Variants in B4GALNT3 observed in about 807,000 individuals in gnomAD.
B4GALNT3 encodes beta-1,4-N-acetyl-galactosaminyltransferase 3.
A neutral mutation model predicts 120.2 loss-of-function variants in B4GALNT3; 86 were observed. That is an observed-to-expected ratio of 0.72 (90% CI 0.60 to 0.86). The LOEUF (loss-of-function observed/expected upper bound fraction) is 0.86. B4GALNT3 is among the 40% of genes least tolerant of loss of function. B4GALNT3 has a pLI of 0.00. For missense variants in B4GALNT3, 1,167 were observed against 1,298.9 expected (o/e 0.90, Z 1.56); for synonymous variants, 518 against 510.4 (o/e 1.01, Z -0.20).
At chr12:500,722 T>C (rs1946430557) in intron 1 of B4GALNT3, among the ~76,000 whole-genome samples, 2 of 152,154 alleles carry the variant, frequency 1.3e-5, no homozygotes, top group Non-Finnish European at 2.9e-5. Flanking sequence ...AATGGGGTCA[T>C]GCCTGGCTAC....
intron 1 of B4GALNT3, among the ~76,000 whole-genome samples, chr12:473,640 G>A (rs1946157519): frequency 6.6e-6 from 1 of 152,172 alleles, no homozygotes; most frequent in Non-Finnish European, 1.5e-5. Flanking sequence ...CCTCTCTGGA[G>A]CTTGAGTACC....
At chr12:535,665 C>T (rs1946851312) in intron 2 of B4GALNT3, among the ~76,000 whole-genome samples, 1 of 152,204 alleles carries the variant, frequency 6.6e-6, no homozygotes, top group South Asian at 2.1e-4. Context: ...GGTGGATGGA[C>T]ACCCCTCCCT....
chr12:471,145 T>C (rs1946131891), intron 1 of B4GALNT3, among the ~76,000 whole-genome samples: 2 of 151,340 alleles, frequency 1.3e-5, no homozygotes, highest in African/African-American at 4.8e-5. Flanking sequence ...TCACAGCACT[T>C]TGGGAGGCTG....
Position 552,142 on chromosome 12 carries a change from A to T in B4GALNT3, c.1187A>T (p.Glu396Val). 6.2e-7 allele frequency: 1 copy of T among 1,611,784 alleles called. No homozygotes were observed. Among genetic ancestry groups the T allele is most frequent in the Non-Finnish European group, 8.5e-7 (1 of 1,177,906 alleles). The part of the protein sequence containing the change: ...METHNKCFYQ[E>V]NAYYQDRFSF... ...ACCCACAATAAATGTTTCTACCAGG[A>T]AAACGCCTACTACCAAGACCGGTGA... Residue 396 changes from glutamate (E) to valine (V), a missense_variant, in exon 12 of 20, where the codon GAA becomes GTA. By Grantham distance (121) the Glu-to-Val change is moderately radical. Transcript: ENST00000266383.
intron 1 of B4GALNT3, among the ~76,000 whole-genome samples, chr12:515,991 C>CAA (rs1555155736): frequency 2.1e-4 from 32 of 151,654 alleles, no homozygotes; most frequent in South Asian, 2.1e-4. Flanking sequence ...CACACACACA[C>CAA]AAAAATTAGC....
chr12:559,143 C>G (rs2120748638), intron 18 of B4GALNT3, 152 bp from the exon 19 acceptor site: 1 of 1,041,804 alleles, frequency 9.6e-7, no homozygotes, highest in East Asian at 2.5e-5. Flanking sequence ...CCAAAACAGG[C>G]AAAGTACTTG....
chr12:462,047 G>GC (rs1350070868), intron 1 of B4GALNT3, among the ~76,000 whole-genome samples: 4 of 152,134 alleles, frequency 2.6e-5, no homozygotes, highest in African/African-American at 9.7e-5. Context: ...ACTCCAAGCA[G>GC]CAGAGCCCCT....
At position 460,497 on chromosome 12, in the gene B4GALNT3, C is replaced by G; in HGVS notation, c.121C>G (p.Leu41Val). Reference sequence around the variant, plus strand: ...GTCTGTGGGGCTCTGGACTCTGTATCTGGAACTGGTGGCGTCGGCCCAGGT... The same window carrying G: ...GTCTGTGGGGCTCTGGACTCTGTATGTGGAACTGGTGGCGTCGGCCCAGGT... ...VVSVGLWTLY[L>V]ELVASAQVGG... Residue 41 changes from leucine to valine, a missense_variant, in exon 1 of 20, where the codon CTG becomes GTG. Around this residue, in one of 3 missense-constraint regions of B4GALNT3, gnomAD observed 171 missense variants for 161.3 expected, o/e 1.06. Transcript: ENST00000266383. The surrounding 1 kb of genome is among the most constrained non-coding windows in gnomAD (Gnocchi z 8.0). 1 of 1,585,410 alleles carries G rather than the reference C, an allele frequency of 6.3e-7. No homozygotes were observed. Among genetic ancestry groups the G allele is most frequent in the Non-Finnish European group, 8.6e-7 (1 of 1,166,602 alleles).
chr12:490,327 A>T (rs1374111075), intron 1 of B4GALNT3, among the ~76,000 whole-genome samples: 4 of 152,224 alleles, frequency 2.6e-5, no homozygotes, highest in African/African-American at 9.6e-5. Context: ...TAAAAAGATC[A>T]GTAAGATTGA....
At chr12:522,710 G>A (rs1387128796) in intron 1 of B4GALNT3, among the ~76,000 whole-genome samples, 2 of 152,004 alleles carry the variant, frequency 1.3e-5, no homozygotes, top group Non-Finnish European at 2.9e-5. Flanking sequence ...CACGAAGGGA[G>A]GATCACTTGA....
intron 1 of B4GALNT3, among the ~76,000 whole-genome samples, chr12:512,825 CGCCTTCT>C (rs1220822947): frequency 1.3e-5 from 2 of 148,548 alleles, no homozygotes; most frequent in Admixed American, 6.7e-5. Flanking sequence ...TTCCACCTTC[CGCCTTCT>C]GCCTTCCACC....
intron 1 of B4GALNT3, among the ~76,000 whole-genome samples, chr12:476,901 C>T (rs1297774091): frequency 6.6e-6 from 1 of 152,168 alleles, no homozygotes; most frequent in Admixed American, 6.6e-5. Context: ...TTCTTCTAGG[C>T]CCATGGCAGA....
rs12369312 is a variant in B4GALNT3 at position 465,335 on chromosome 12, G to A, written c.169+4790G>A. Among the ~76,000 whole-genome samples the A allele has an allele frequency of 7.3e-3, 1,109 of 152,154 alleles. 16 individuals are homozygous for A. The highest frequency in any genetic ancestry group is 0.01 in the Middle Eastern group (3 of 294). On this transcript the variant is annotated intron_variant, in intron 1 of 19. Coordinates refer to ENST00000266383, the MANE Select transcript of B4GALNT3 (RefSeq NM_173593.4). Reference sequence around the variant, plus strand: ...TAGGCGCTCAGATAAGTACCTTCTCGTTATGAATGTGTCAGCTCTGAATTT... The same window carrying A: ...TAGGCGCTCAGATAAGTACCTTCTCATTATGAATGTGTCAGCTCTGAATTT...
intron 1 of B4GALNT3, among the ~76,000 whole-genome samples, chr12:512,686 ATCTT>A (rs1371437288): frequency 2.1e-4 from 12 of 57,786 alleles, no homozygotes; most frequent in African/African-American, 2.4e-4. Context: ...TCCACCTTCG[ATCTT>A]CCTTCCACCT....
chr12:495,469 T>C (rs77076754), intron 1 of B4GALNT3, among the ~76,000 whole-genome samples: 20,565 of 152,206 alleles, frequency 0.14, 1,916 homozygotes, highest in Admixed American at 0.3. Flanking sequence ...CATCTAGACC[T>C]CAGGCATGCA....
chr12:515,977 A>AC (rs1555155734), intron 1 of B4GALNT3, among the ~76,000 whole-genome samples: 21,713 of 151,590 alleles, frequency 0.14, 1,687 homozygotes, highest in South Asian at 0.23. Context: ...CTCTACTAAA[A>AC]ACACACACAC....
intron 1 of B4GALNT3, among the ~76,000 whole-genome samples, chr12:469,456 GCTT>G (rs1946113776): frequency 6.6e-6 from 1 of 152,120 alleles, no homozygotes; most frequent in African/African-American, 2.4e-5. Flanking sequence ...TTTTTCCAGT[GCTT>G]CTTAAACTTC....
rs571997386 is a variant in B4GALNT3, at chr12:548,940, C to T, written c.853+643C>T. 3.3e-5 allele frequency among the ~76,000 whole-genome samples: 5 copies of T among 152,252 alleles called. No individual in the cohort carries two copies. Among genetic ancestry groups the T allele is most frequent in the South Asian group, 2.1e-4 (1 of 4,822 alleles). On this transcript the variant is annotated intron_variant, in intron 9 of 19. Coordinates refer to ENST00000266383, the MANE Select transcript of B4GALNT3 (RefSeq NM_173593.4). This position sits in a 1 kb window ranked among gnomAD's most constrained non-coding sequence, Gnocchi z 4.9. ...AAACAACACAAAAAAACCCTCTGAGCGAGTCCAATCCCCTATTTTCCAGAT... is the reference window on the plus strand; with the variant it reads ...AAACAACACAAAAAAACCCTCTGAGTGAGTCCAATCCCCTATTTTCCAGAT...
intron 1 of B4GALNT3, among the ~76,000 whole-genome samples, chr12:511,274 CGACCTT>C (rs1284003644): frequency 1.3e-5 from 2 of 149,458 alleles, no homozygotes; most frequent in African/African-American, 2.5e-5. Context: ...CTTCCACCTT[CGACCTT>C]CTTCCACCTT....
Sources: allele counts gnomAD v4.1 joint callset (sites outside exome capture counted in the v4.1 genomes callset), GRCh38; gene constraint gnomAD v4.1.1; regional missense constraint gnomAD v4.1.1; non-coding constraint Gnocchi (gnomAD v3.1); transcripts MANE v1.5; gene names NCBI Gene and HGNC (gene_info 2026-07-23, HGNC 2026-07-21).